The following GALNT13 variants were observed in gnomAD, a reference collection of about 807,000 sequenced individuals.
GALNT13 encodes polypeptide N-acetylgalactosaminyltransferase 13, also known as UDP-GalNAc:polypeptide N-acetylgalactosaminyltransferase 13.
Under a neutral mutation model 64.2 loss-of-function variants are expected in GALNT13, and 28 were observed. That is an observed-to-expected ratio of 0.44 (90% CI 0.32 to 0.60). The LOEUF is 0.60. GALNT13 is among the 20% of genes least tolerant of loss of function. GALNT13 has a pLI of 0.05. For synonymous variants in GALNT13, 214 were observed against 224.6 expected (o/e 0.95, Z 0.42); for missense variants, 577 against 669.8 (o/e 0.86, Z 1.53).
the GALNT13 span, among the ~76,000 whole-genome samples, chr2:153,235,877 T>C: frequency 1.3e-5 from 2 of 152,150 alleles, no homozygotes; most frequent in Non-Finnish European, 2.9e-5. Flanking sequence ...TTAAACTTAA[T>C]GAAAAAGCAT....
the GALNT13 span, chr2:153,449,721 C>A: frequency 6.2e-6 from 1 of 160,396 alleles, no homozygotes; most frequent in South Asian, 1.8e-4. Flanking sequence ...ATTCAGTTGT[C>A]TTGTAAGGGC....
chr2:154,357,931 A>G (rs1291009698), intron 9 of GALNT13, among the ~76,000 whole-genome samples: 2 of 152,096 alleles, frequency 1.3e-5, no homozygotes, highest in Non-Finnish European at 2.9e-5. Flanking sequence ...CTTTATTTAA[A>G]CTTAGCAAAT....
the GALNT13 span, among the ~76,000 whole-genome samples, chr2:153,563,373 C>T: frequency 1.8e-4 from 28 of 152,058 alleles, no homozygotes; most frequent in East Asian, 7.7e-4. Flanking sequence ...CACTATATTA[C>T]GGTTTACTTC....
chr2:153,402,698 C>T, the GALNT13 span, among the ~76,000 whole-genome samples: 1 of 152,042 alleles, frequency 6.6e-6, no homozygotes, highest in Non-Finnish European at 1.5e-5. Context: ...TTGCTGATAC[C>T]CTTTCTTCCT....
At chr2:153,532,121 C>T in the GALNT13 span, among the ~76,000 whole-genome samples, 901 of 152,144 alleles carry the variant, frequency 5.9e-3, 3 homozygotes, top group Non-Finnish European at 9.9e-3. Flanking sequence ...ACACATTTTC[C>T]CACCGCACTT....
At chr2:153,246,961 A>G in the GALNT13 span, among the ~76,000 whole-genome samples, 1 of 152,230 alleles carries the variant, frequency 6.6e-6, no homozygotes, top group Non-Finnish European at 1.5e-5. Flanking sequence ...ATATTTACCA[A>G]GCAAATGAAA....
chr2:154,354,232 C>T (rs1475858286), intron 9 of GALNT13, among the ~76,000 whole-genome samples: 1 of 152,036 alleles, frequency 6.6e-6, no homozygotes, highest in Non-Finnish European at 1.5e-5. Flanking sequence ...GTCTTTTGCA[C>T]ATTTTTTAAT....
chr2:154,339,649 T>A (rs1695647150), intron 9 of GALNT13, among the ~76,000 whole-genome samples: 1 of 152,200 alleles, frequency 6.6e-6, no homozygotes, highest in Admixed American at 6.6e-5. Context: ...TTGTGCTCAG[T>A]TCACACACGG....
chr2:153,323,251 A>C, the GALNT13 span, among the ~76,000 whole-genome samples: 1 of 152,174 alleles, frequency 6.6e-6, no homozygotes, highest in Non-Finnish European at 1.5e-5. Context: ...ATGACCAGTG[A>C]TGATGAGCTT....
At chr2:153,544,744 T>C in the GALNT13 span, among the ~76,000 whole-genome samples, 3 of 152,258 alleles carry the variant, frequency 2.0e-5, no homozygotes, top group African/African-American at 7.2e-5. Context: ...AGCTGAGAAC[T>C]CAATGTTTTA....
the GALNT13 span, among the ~76,000 whole-genome samples, chr2:153,789,226 G>T: frequency 6.6e-6 from 1 of 152,078 alleles, no homozygotes; most frequent in Middle Eastern, 3.4e-3. Flanking sequence ...CAAATGCAAA[G>T]AACCGAAATG....
intron 3 of GALNT13, among the ~76,000 whole-genome samples, chr2:154,085,639 A>G (rs1449621418): frequency 6.6e-6 from 1 of 152,070 alleles, no homozygotes; most frequent in Admixed American, 6.6e-5. Flanking sequence ...CAGTTTGCTC[A>G]TTGTTCATGC....
At chr2:153,250,673 C>T in the GALNT13 span, among the ~76,000 whole-genome samples, 2 of 152,170 alleles carry the variant, frequency 1.3e-5, no homozygotes, top group African/African-American at 4.8e-5. Context: ...AAATGTGGCA[C>T]ATATACACCA....
intron 8 of GALNT13, among the ~76,000 whole-genome samples, chr2:154,297,097 G>A (rs936126407): frequency 6.6e-6 from 1 of 152,180 alleles, no homozygotes; most frequent in African/African-American, 2.4e-5. Context: ...GGGAGAATAA[G>A]GTATGGTCTT....
At chr2:153,293,412 G>A in the GALNT13 span, among the ~76,000 whole-genome samples, 4 of 152,178 alleles carry the variant, frequency 2.6e-5, no homozygotes, top group Admixed American at 1.3e-4. Flanking sequence ...TGTGAGAGAG[G>A]GGGAGATTTG....
chr2:153,208,445 A>G, the GALNT13 span, among the ~76,000 whole-genome samples: 2 of 152,260 alleles, frequency 1.3e-5, no homozygotes, highest in Admixed American at 6.5e-5. Context: ...TTTACCTAGC[A>G]TAATACTTTT....
At chr2:154,124,829 C>T (rs572633028) in intron 3 of GALNT13, among the ~76,000 whole-genome samples, 1 of 152,012 alleles carries the variant, frequency 6.6e-6, no homozygotes, top group South Asian at 2.1e-4. Flanking sequence ...TAAATGTATA[C>T]CATAGTTTTG....
intron 9 of GALNT13, among the ~76,000 whole-genome samples, chr2:154,325,961 A>AT (rs1425790773): frequency 6.6e-6 from 1 of 152,094 alleles, no homozygotes; most frequent in Non-Finnish European, 1.5e-5. Flanking sequence ...AGCTGTGTTT[A>AT]ATAAGCCCAC....
At chr2:153,886,253 G>A (rs113846702) in intron 1 of GALNT13, among the ~76,000 whole-genome samples, 24,343 of 149,924 alleles carry the variant, frequency 0.16, 2,373 homozygotes, top group East Asian at 0.26. Flanking sequence ...GGATACATGT[G>A]CACAACGTGC....
Sources: allele counts gnomAD v4.1 joint callset (sites outside exome capture counted in the v4.1 genomes callset), GRCh38; gene constraint gnomAD v4.1.1; transcripts MANE v1.5; gene names NCBI Gene and HGNC (gene_info 2026-07-23, HGNC 2026-07-21).